Variants in PARD3B observed in about 807,000 individuals in gnomAD.
The protein encoded by PARD3B is par-3 family cell polarity regulator beta, also known as partitioning defective 3 homolog B.
In PARD3B, 103 loss-of-function variants were observed where a neutral mutation model predicts 130.2. The observed-to-expected ratio is 0.79, with a 90% CI of 0.67 to 0.93. The LOEUF is 0.93. PARD3B is among the 40% of genes least tolerant of loss of function. PARD3B has a pLI of 0.00. For missense variants in PARD3B, 1,609 were observed against 1,499.2 expected (o/e 1.07, Z -1.21); for synonymous variants, 583 against 553.2 (o/e 1.05, Z -0.76).
At chr2:205,166,071 A>C (rs1368218066) in intron 11 of PARD3B, among the ~76,000 whole-genome samples, 1 of 152,208 alleles carries the variant, frequency 6.6e-6, no homozygotes, top group East Asian at 1.9e-4. Flanking sequence ...TGACTGACTT[A>C]ATTTAGCAAG....
chr2:205,552,917 C>A (rs774537920), intron 21 of PARD3B, among the ~76,000 whole-genome samples: 1 of 151,856 alleles, frequency 6.6e-6, no homozygotes, highest in Non-Finnish European at 1.5e-5. Flanking sequence ...CGTTAGCTAG[C>A]GATAAGAGGG....
At chr2:205,312,714 A>G (rs1024347897) in intron 18 of PARD3B, among the ~76,000 whole-genome samples, 1 of 152,098 alleles carries the variant, frequency 6.6e-6, no homozygotes, top group Non-Finnish European at 1.5e-5. Flanking sequence ...AGCCATGAAT[A>G]TTTTGTTTCT....
At chr2:205,338,914 A>T (rs1280308804) in intron 18 of PARD3B, among the ~76,000 whole-genome samples, 1 of 152,204 alleles carries the variant, frequency 6.6e-6, no homozygotes, top group Non-Finnish European at 1.5e-5. Context: ...TCCTGGGAAA[A>T]TAAGTCTGGA....
intron 2 of PARD3B, among the ~76,000 whole-genome samples, chr2:204,691,430 G>A (rs1053699248): frequency 2.0e-5 from 3 of 152,014 alleles, no homozygotes; most frequent in African/African-American, 7.2e-5. Context: ...GGTTTTCAGG[G>A]CTTCCAAGTG....
At chr2:205,331,388 G>A (rs1162347122) in intron 18 of PARD3B, among the ~76,000 whole-genome samples, 1 of 151,872 alleles carries the variant, frequency 6.6e-6, no homozygotes. Context: ...CCTTTTCCTA[G>A]AAACCTAAGC....
rs768017778 is a variant in PARD3B, at chr2:205,530,626, G to A, written c.3181-22698G>A. On this transcript the variant is annotated intron_variant, in intron 21 of 22. Coordinates refer to ENST00000406610, the MANE Select transcript of PARD3B (RefSeq NM_001302769.2). The surrounding 1 kb of genome is among the most constrained non-coding windows in gnomAD (Gnocchi z 4.7). ...TCCATCCTGAGGAGCTAGAGAATCC[G>A]AGATTCAGAGAGGGGCAAAATGTCT... Among the ~76,000 whole-genome samples the A allele has an allele frequency of 6.6e-6, 1 of 152,096 alleles. No homozygotes were observed.
At chr2:204,865,075 A>T (rs555801943) in intron 2 of PARD3B, among the ~76,000 whole-genome samples, 1 of 152,294 alleles carries the variant, frequency 6.6e-6, no homozygotes, top group Non-Finnish European at 1.5e-5. Context: ...CCACGATATG[A>T]TATCACACCA....
intron 16 of PARD3B, among the ~76,000 whole-genome samples, chr2:205,275,729 C>T (rs1031782829): frequency 6.8e-6 from 1 of 147,618 alleles, no homozygotes; most frequent in South Asian, 2.2e-4. Flanking sequence ...CCCAGCTACT[C>T]GGGAGGCTGA....
intron 2 of PARD3B, among the ~76,000 whole-genome samples, chr2:204,818,824 T>C (rs2043233063): frequency 1.3e-5 from 2 of 152,210 alleles, no homozygotes; most frequent in South Asian, 4.1e-4. Context: ...CTTGTTATAG[T>C]TTAGAACGTA....
Position 204,721,702 on chromosome 2 carries a change from G to A in PARD3B, c.222+35420G>A, listed in dbSNP as rs572363260. The stretch of plus-strand genomic sequence containing the variant: ...AAGAAACTTGATAAAAATGGCAAAG[G>A]TATTTTAGTAGTCAGTATCCTTTTG... On this transcript the variant is annotated intron_variant, in intron 2 of 22. Transcript: ENST00000406610. Among the ~76,000 whole-genome samples, 5 of 152,084 alleles carry A rather than the reference G, an allele frequency of 3.3e-5. No homozygotes were observed. The East Asian group carries it at 9.6e-4, about 29-fold the overall frequency.
At chr2:205,196,445 C>T (rs1289708167) in intron 15 of PARD3B, among the ~76,000 whole-genome samples, 1 of 150,630 alleles carries the variant, frequency 6.6e-6, no homozygotes, top group Non-Finnish European at 1.5e-5. Context: ...AATATTGTTA[C>T]ATGGGATGCA....
chr2:204,803,345 TACAA>T (rs563264307), intron 2 of PARD3B, among the ~76,000 whole-genome samples: 59 of 152,104 alleles, frequency 3.9e-4, no homozygotes, highest in Non-Finnish European at 7.2e-4. Flanking sequence ...CATCTGAAGA[TACAA>T]ACCTCACTGG....
intron 20 of PARD3B, among the ~76,000 whole-genome samples, chr2:205,484,335 TCCTCCGTGAG>T (rs904961678): frequency 1.3e-5 from 2 of 152,206 alleles, no homozygotes; most frequent in African/African-American, 4.8e-5. Flanking sequence ...AATTCTGTTT[TCCTCCGTGAG>T]CCTCTGTAGC....
intron 22 of PARD3B, among the ~76,000 whole-genome samples, chr2:205,581,285 T>TATATAGATATAG (rs1559238238): frequency 2.5e-5 from 2 of 79,708 alleles, no homozygotes; most frequent in Non-Finnish European, 5.5e-5. Flanking sequence ...GATATAGATA[T>TATATAGATATAG]ATAGATAGAT....
intron 18 of PARD3B, among the ~76,000 whole-genome samples, chr2:205,316,777 A>G (rs4119079): frequency 0.66 from 100,650 of 151,922 alleles, 34,312 homozygotes; most frequent in Admixed American, 0.78. Context: ...TCTTTCCAAC[A>G]GCATTTCTAG....
At chr2:204,642,389 T>C (rs2035108510) in intron 1 of PARD3B, among the ~76,000 whole-genome samples, 1 of 152,244 alleles carries the variant, frequency 6.6e-6, no homozygotes. Flanking sequence ...TTGCTGTTTA[T>C]TAGCTATACC....
At chr2:204,787,760 T>C (rs951768467) in intron 2 of PARD3B, among the ~76,000 whole-genome samples, 12 of 152,280 alleles carry the variant, frequency 7.9e-5, no homozygotes, top group African/African-American at 2.6e-4. Flanking sequence ...TAAAGGAAAA[T>C]GACTTTAAGC....
At chr2:205,155,954 C>G (rs1270596947) in intron 10 of PARD3B, among the ~76,000 whole-genome samples, 1 of 152,086 alleles carries the variant, frequency 6.6e-6, no homozygotes, top group African/African-American at 2.4e-5. Context: ...TATAAAGACA[C>G]ATGCACACGT....
intron 2 of PARD3B, among the ~76,000 whole-genome samples, chr2:204,708,256 G>T (rs984090723): frequency 2.6e-5 from 4 of 152,082 alleles, no homozygotes; most frequent in African/African-American, 9.7e-5. Flanking sequence ...CGATCCTCCT[G>T]CCTCAGCCTG....
Sources: gnomAD v4.1 joint callset for allele counts (sites outside exome capture counted in the v4.1 genomes callset) on GRCh38, gnomAD v4.1.1 for gene constraint, Gnocchi (gnomAD v3.1) non-coding constraint, MANE v1.5 for transcripts, NCBI Gene and HGNC (gene_info 2026-07-23, HGNC 2026-07-21) for gene names.